Variants in ARIH2 observed in about 807,000 individuals in gnomAD.
ARIH2 encodes E3 ubiquitin-protein ligase ARIH2.
A neutral mutation model predicts 79.8 loss-of-function variants in ARIH2; 12 were observed. That is an observed-to-expected ratio of 0.15 (90% CI 0.10 to 0.24). ARIH2 has a LOEUF of 0.24. ARIH2 is among the 10% of genes least tolerant of loss of function. ARIH2 has a pLI of 1.00. For synonymous variants in ARIH2, 224 were observed against 213.9 expected (o/e 1.05, Z -0.41); for missense variants, 301 against 618.3 (o/e 0.49, Z 5.44).
intron 2 of ARIH2, chr3:48,927,110 C>T (rs574035338): frequency 5.3e-4 from 93 of 176,442 alleles, no homozygotes; most frequent in Non-Finnish European, 1.0e-3. Flanking sequence ...TATGTTGCCT[C>T]CCCTCTGGGC....
chr3:48,968,369 G>A (rs1042609074), intron 6 of ARIH2, 165 bp from the exon 7 acceptor site: 10 of 498,160 alleles, frequency 2.0e-5, no homozygotes, highest in East Asian at 5.2e-5. Context: ...CACTACGCCC[G>A]GCTAATTTTT....
At chr3:48,977,118 C>A (rs1403009779) in intron 11 of ARIH2, among the ~76,000 whole-genome samples, 3 of 151,872 alleles carry the variant, frequency 2.0e-5, no homozygotes, top group Non-Finnish European at 4.4e-5. Flanking sequence ...AGGAGAATCG[C>A]TTGAACCAGG....
chr3:48,927,516 A>G lies in ARIH2; in HGVS notation c.-43A>G. 1.3e-6 allele frequency: 2 copies of G among 1,590,910 alleles called. No homozygotes were observed. The highest frequency in any genetic ancestry group is 2.3e-5 in the South Asian group (2 of 87,226). The stretch of plus-strand genomic sequence containing the variant: ...GCGGTAGTTTTGGGGGGAGGGGGAA[A>G]AAGCAACTGCTTTCCTGATCTGCAA... On this transcript the variant is annotated 5_prime_UTR_variant, in exon 3 of 16. Coordinates refer to ENST00000356401, the MANE Select transcript of ARIH2 (RefSeq NM_006321.4).
chr3:48,949,558 G>C (rs1011976276), intron 3 of ARIH2, among the ~76,000 whole-genome samples: 2 of 152,220 alleles, frequency 1.3e-5, no homozygotes, highest in Non-Finnish European at 2.9e-5. Flanking sequence ...TAGTGAGTGT[G>C]TAATACCTTG....
chr3:48,927,732 G>A lies in ARIH2; in HGVS notation c.174G>A (p.Glu58=). Residue 58 remains glutamate (E), a synonymous_variant, in exon 3 of 16, where the codon GAG becomes GAA. Coordinates refer to ENST00000356401, the MANE Select transcript of ARIH2 (RefSeq NM_006321.4). Reference sequence around the variant, plus strand: ...GGGCTGATGCCTTTGATCCCGAGGAGTACCAGTTCACTTGCTTGACCTACA... The same window carrying A: ...GGGCTGATGCCTTTGATCCCGAGGAATACCAGTTCACTTGCTTGACCTACA... ...QQGADAFDPE[E]YQFTCLTYKE... 6.2e-7 allele frequency: 1 copy of A among 1,614,226 alleles called. No individual in the cohort carries two copies. The highest frequency in any genetic ancestry group is 8.5e-7 in the Non-Finnish European group (1 of 1,180,040).
chr3:48,974,925 C>A, intron 10 of ARIH2, 33 bp from the exon 11 acceptor site: 1 of 1,614,076 alleles, frequency 6.2e-7, no homozygotes, highest in Admixed American at 1.7e-5. Flanking sequence ...TCAGTGTGCC[C>A]TTAACGTGTT....
At chr3:48,981,571 A>C in intron 13 of ARIH2, 89 bp from the exon 14 acceptor site, 1 of 1,044,500 alleles carries the variant, frequency 9.6e-7, no homozygotes. Context: ...GCTAATTTGC[A>C]TGTTGAGGGT....
chr3:48,979,115 C>T (rs1401169284), intron 11 of ARIH2, among the ~76,000 whole-genome samples: 2 of 152,104 alleles, frequency 1.3e-5, no homozygotes, highest in Non-Finnish European at 2.9e-5. Context: ...TGATGATGTG[C>T]GTTTAAGACA....
intron 3 of ARIH2, among the ~76,000 whole-genome samples, chr3:48,933,495 T>A (rs1312331900): frequency 6.6e-6 from 1 of 151,746 alleles, no homozygotes; most frequent in East Asian, 1.9e-4. Context: ...AATAGATTTT[T>A]AAAACTTATT....
rs563954654 is a variant in ARIH2, at chr3:48,936,765, C to T, written c.255+8952C>T. On this transcript the variant is annotated intron_variant, in intron 3 of 15. Transcript: ENST00000356401. ...CAAAAACAGGCCGGGCGCTGTGGCT[C>T]ATGCCTGTAATCCCAGCATTTTGAG... 1.0e-4 allele frequency among the ~76,000 whole-genome samples: 15 copies of T among 150,028 alleles called. No homozygotes were observed. The South Asian group carries it at 1.5e-3, about 15-fold the overall frequency.
At chr3:48,982,449 G>T (rs974637282) in intron 14 of ARIH2, among the ~76,000 whole-genome samples, 1 of 152,022 alleles carries the variant, frequency 6.6e-6, no homozygotes, top group Non-Finnish European at 1.5e-5. Flanking sequence ...GAATATTTTT[G>T]TGCATAAAGC....
intron 3 of ARIH2, among the ~76,000 whole-genome samples, chr3:48,939,791 CAAA>C (rs1172938316): frequency 7.8e-6 from 1 of 127,428 alleles, no homozygotes; most frequent in Middle Eastern, 3.9e-3. Flanking sequence ...AACAAAAAAA[CAAA>C]AAAAAAAACT....
rs563170399 is a variant in ARIH2 at position 48,928,037 on chromosome 3, G to A, written c.255+224G>A. ...CCAAATTAGTAAGAATTAGAAAGTA[G>A]GGGTGGGACAGATTCAAGAAAGATG... is the stretch of plus-strand genomic sequence containing the variant. On this transcript the variant is annotated intron_variant, in intron 3 of 15. Coordinates refer to ENST00000356401, the MANE Select transcript of ARIH2 (RefSeq NM_006321.4). 7.3e-6 allele frequency: 4 copies of A among 549,040 alleles called. No homozygotes were observed. In the South Asian group the frequency reaches 7.5e-5, roughly 10 times the overall value. The allele number at this position is 549,040 out of a possible 1,614,324, so 34.0% of individuals were successfully genotyped here.
chr3:48,920,062 C>G (rs997646062), intron 1 of ARIH2, among the ~76,000 whole-genome samples: 1 of 150,788 alleles, frequency 6.6e-6, no homozygotes, highest in African/African-American at 2.4e-5. Context: ...TAACTGCAGC[C>G]CCGACTTTCT....
In ARIH2 at chr3:48,927,585, G is replaced by T. The variant is rs140350466; in HGVS notation, c.27G>T (p.Gly9=). 38 of 1,614,116 alleles carry T rather than the reference G, an allele frequency of 2.4e-5. No individual in the cohort carries two copies. Among genetic ancestry groups the T allele is most frequent in the Non-Finnish European group, 3.2e-5 (38 of 1,180,016 alleles). ...TGTCAGTGGACATGAATAGCCAGGG[G>T]TCTGACAGCAATGAAGAGGACTATG... MSVDMNSQ[G]SDSNEEDYDP... Residue 9 remains glycine (G), a synonymous_variant, in exon 3 of 16, where the codon GGG becomes GGT. Transcript: ENST00000356401.
At chr3:48,923,505 A>T (rs9867373) in intron 2 of ARIH2, among the ~76,000 whole-genome samples, 99,468 of 150,524 alleles carry the variant, frequency 0.66, 33,560 homozygotes, top group East Asian at 0.96. Flanking sequence ...TTAACATATC[A>T]ACTTAGATAT....
rs2092817594 is a variant in ARIH2, at chr3:48,983,342, C to T, written c.*72C>T. On this transcript the variant is annotated 3_prime_UTR_variant, in exon 16 of 16. Coordinates refer to ENST00000356401, the MANE Select transcript of ARIH2 (RefSeq NM_006321.4). ...CTCCCGGCTGCCATACTGCATGCTG[C>T]AGGCTCTGCCTTTCATGACCCCAGG... The T allele has an allele frequency of 2.0e-6, 3 of 1,501,454 alleles. No homozygotes were observed. Among genetic ancestry groups the T allele is most frequent in the African/African-American group, 2.7e-5 (2 of 72,736 alleles). The allele number at this position is 1,501,454 out of a possible 1,614,324, so 93.0% of individuals were successfully genotyped here.
chr3:48,982,498 G>T (rs1273913740), intron 14 of ARIH2, among the ~76,000 whole-genome samples: 3 of 152,136 alleles, frequency 2.0e-5, no homozygotes, highest in African/African-American at 7.2e-5. Flanking sequence ...AAGTATTTAA[G>T]TTTGAATATT....
rs1031112609 is a variant in ARIH2 at position 48,985,680 on chromosome 3, C to T, written c.*2410C>T. On this transcript the variant is annotated 3_prime_UTR_variant, in exon 16 of 16. Transcript: ENST00000356401. Reference sequence around the variant, plus strand: ...CTGTGGAGGCCCCAGTGGCCAAACTCGGCTCTGTTTTCCCTTTCTGGCTGT... The same window carrying T: ...CTGTGGAGGCCCCAGTGGCCAAACTTGGCTCTGTTTTCCCTTTCTGGCTGT... 2.0e-5 allele frequency: 3 copies of T among 152,256 alleles called. No individual in the cohort carries two copies. Among genetic ancestry groups the T allele is most frequent in the African/African-American group, 7.2e-5 (3 of 41,554 alleles). 9.4% of individuals were successfully genotyped at this position (152,256 alleles called of 1,614,324 possible). A position where few individuals can be genotyped will look rare whatever the true frequency, so the allele number is the denominator to read the frequency against.
Sources: allele counts gnomAD v4.1 joint callset (sites outside exome capture counted in the v4.1 genomes callset), GRCh38; gene constraint gnomAD v4.1.1; transcripts MANE v1.5; gene names NCBI Gene and HGNC (gene_info 2026-07-23, HGNC 2026-07-21).